ABAT: variants seen among roughly 807,000 people sequenced by gnomAD.
ABAT encodes 4-aminobutyrate aminotransferase.
In ABAT, 45 loss-of-function variants were observed where a neutral mutation model predicts 64.6. That is an observed-to-expected ratio of 0.70 (90% confidence interval 0.55 to 0.89). The LOEUF is 0.89. Among genes scored for constraint, ABAT ranks in the 40% least tolerant of loss-of-function variants. The probability of loss-of-function intolerance (pLI) is 0.00; values close to 1 mark genes in which losing one functional copy is unlikely to be tolerated. For synonymous variants in ABAT, 297 were observed against 250.5 expected (o/e 1.19, Z -1.75); for missense variants, 633 against 658.4 (o/e 0.96, Z 0.42).
intron 1 of ABAT, among the ~76,000 whole-genome samples, chr16:8,723,820 T>C (rs1224313481): frequency 9.1e-5 from 5 of 54,780 alleles, no homozygotes; most frequent in African/African-American, 3.2e-4. Flanking sequence ...TATATATATA[T>C]ATATATATTT....
At chr16:8,698,600 T>A (rs2057754023) in intron 1 of ABAT, among the ~76,000 whole-genome samples, 3 of 152,088 alleles carry the variant, frequency 2.0e-5, no homozygotes, top group Admixed American at 6.5e-5. Context: ...TCCTGAAGTG[T>A]TGGGATTACA....
chr16:8,686,136 A>G (rs1345377061), intron 1 of ABAT, among the ~76,000 whole-genome samples: 4 of 152,216 alleles, frequency 2.6e-5, no homozygotes, highest in African/African-American at 9.6e-5. Context: ...TGTGCACGGG[A>G]ACAAAGCCTG....
chr16:8,697,617 TTTG>T (rs1454670985), intron 1 of ABAT, among the ~76,000 whole-genome samples: 3 of 148,098 alleles, frequency 2.0e-5, no homozygotes, highest in Non-Finnish European at 3.0e-5. Context: ...TTAAAGGTTT[TTTG>T]TTGTTTGTTT....
intron 1 of ABAT, chr16:8,731,409 C>T (rs981384168): frequency 2.6e-5 from 4 of 152,224 alleles, no homozygotes; most frequent in Non-Finnish European, 5.9e-5. Context: ...CCATCCTCAT[C>T]GCTTCTACAT....
At chr16:8,735,941 A>T (rs1335000629) in intron 2 of ABAT, 132 bp downstream of exon 2, 1 of 768,830 alleles carries the variant, frequency 1.3e-6, no homozygotes. Flanking sequence ...GTCCCACTGT[A>T]TTAGTCTGTT....
Position 8,764,740 on chromosome 16 carries a change from G to C in ABAT, c.450G>C (p.Val150=). ...CACGGCTATTTCCCTCCCCACAGGTGGCTCCCAAAGGGATGTCCCAGCTCA... is the reference window on the plus strand; with the variant it reads ...CACGGCTATTTCCCTCCCCACAGGTCGCTCCCAAAGGGATGTCCCAGCTCA... The part of the protein sequence containing the change: ...VEKLRQSLLS[V]APKGMSQLIT... The change falls in exon 8 of 16, where the codon GTG becomes GTC. Residue 150 remains valine (V), a splice_region_variant and synonymous_variant. Transcript: ENST00000268251. This position sits in a 1 kb window ranked among gnomAD's most constrained non-coding sequence, Gnocchi z 4.2. 1 of 1,614,088 alleles carries C rather than the reference G, an allele frequency of 6.2e-7. No homozygotes were observed. Among genetic ancestry groups the C allele is most frequent in the Non-Finnish European group, 8.5e-7 (1 of 1,179,980 alleles).
At chr16:8,733,658 C>T (rs868499037) in intron 1 of ABAT, among the ~76,000 whole-genome samples, 1 of 151,872 alleles carries the variant, frequency 6.6e-6, no homozygotes, top group Non-Finnish European at 1.5e-5. Flanking sequence ...AGCGAAACCC[C>T]GTCTCCACCA....
intron 11 of ABAT, among the ~76,000 whole-genome samples, chr16:8,770,551 C>T (rs903245873): frequency 1.1e-4 from 16 of 152,130 alleles, no homozygotes; most frequent in African/African-American, 3.9e-4. Context: ...GTGATCCTCC[C>T]ACCTCAGCTT....
At chr16:8,761,033 G>A (rs796540940) in intron 6 of ABAT, among the ~76,000 whole-genome samples, 13 of 152,148 alleles carry the variant, frequency 8.5e-5, no homozygotes, top group African/African-American at 1.9e-4. Context: ...CCGTGATCTC[G>A]CCACTGCACT....
At chr16:8,734,481 C>T (rs2058853168) in intron 1 of ABAT, among the ~76,000 whole-genome samples, 1 of 152,188 alleles carries the variant, frequency 6.6e-6, no homozygotes, top group Non-Finnish European at 1.5e-5. Context: ...GGGTCACACA[C>T]ATGTGAGTTC....
chr16:8,702,653 A>G (rs899067256), intron 1 of ABAT, among the ~76,000 whole-genome samples: 3 of 152,186 alleles, frequency 2.0e-5, no homozygotes, highest in African/African-American at 7.2e-5. Flanking sequence ...CCCATGATCC[A>G]GTCCCCTCCC....
intron 1 of ABAT, among the ~76,000 whole-genome samples, chr16:8,721,830 CAGAG>C (rs1296288000): frequency 3.3e-5 from 5 of 152,112 alleles, no homozygotes; most frequent in Non-Finnish European, 5.9e-5. Context: ...ACGAAGGAAG[CAGAG>C]AGAGCTAATT....
At chr16:8,697,495 C>A (rs2057728682) in intron 1 of ABAT, among the ~76,000 whole-genome samples, 1 of 152,110 alleles carries the variant, frequency 6.6e-6, no homozygotes, top group African/African-American at 2.4e-5. Context: ...AGAGGATGAT[C>A]TGGAAATGCC....
chr16:8,685,251 A>C (rs1046953000), intron 1 of ABAT, among the ~76,000 whole-genome samples: 29 of 152,050 alleles, frequency 1.9e-4, no homozygotes, highest in African/African-American at 7.0e-4. Flanking sequence ...ACGCCATTGC[A>C]CTCCAGCTTG....
chr16:8,759,823 C>T (rs892997983), intron 6 of ABAT, among the ~76,000 whole-genome samples: 2 of 152,186 alleles, frequency 1.3e-5, no homozygotes, highest in Admixed American at 6.5e-5. Flanking sequence ...GGATTACAGG[C>T]GTGAGCCACC....
intron 1 of ABAT, among the ~76,000 whole-genome samples, chr16:8,729,177 G>A (rs924501179): frequency 1.7e-4 from 26 of 151,698 alleles, no homozygotes; most frequent in Admixed American, 1.4e-3. Context: ...GCGTGGCGGC[G>A]TTCGCCTGTA....
At chr16:8,701,684 T>A (rs1171516500) in intron 1 of ABAT, among the ~76,000 whole-genome samples, 1 of 152,164 alleles carries the variant, frequency 6.6e-6, no homozygotes, top group African/African-American at 2.4e-5. Flanking sequence ...CTGGGGATGC[T>A]GAGGAGATAG....
chr16:8,706,196 C>G (rs1006373630), intron 1 of ABAT, among the ~76,000 whole-genome samples: 1 of 151,270 alleles, frequency 6.6e-6, no homozygotes, highest in African/African-American at 2.4e-5. Context: ...TCACTTGAGA[C>G]CAGTCTGGGC....
intron 5 of ABAT, among the ~76,000 whole-genome samples, chr16:8,754,971 G>T (rs564866293): frequency 6.6e-6 from 1 of 151,836 alleles, no homozygotes; most frequent in Non-Finnish European, 1.5e-5. Context: ...CACCTGCCTC[G>T]GCCTCCCAAG....
Sources: gnomAD v4.1 joint callset for allele counts (sites outside exome capture counted in the v4.1 genomes callset) on GRCh38, gnomAD v4.1.1 for gene constraint, Gnocchi (gnomAD v3.1) non-coding constraint, MANE v1.5 for transcripts, NCBI Gene and HGNC (gene_info 2026-07-23, HGNC 2026-07-21) for gene names.